Variants in RGL1 observed in about 807,000 individuals in gnomAD.
RGL1 encodes the protein ral guanine nucleotide dissociation stimulator like 1.
In RGL1, 24 loss-of-function variants were observed where a neutral mutation model predicts 95.2. That is an observed-to-expected ratio of 0.25 (90% CI 0.18 to 0.35). The LOEUF is 0.35. RGL1 is among the 10% of genes least tolerant of loss of function. The pLI is 1.00. For synonymous variants in RGL1, 329 were observed against 344.9 expected, an observed-to-expected ratio of 0.95 and a Z score of 0.51; for missense variants, 715 against 936.3, an observed-to-expected ratio of 0.76 and a Z score of 3.08.
At chr1:183,920,318 G>A (rs1669242838) in intron 16 of RGL1, among the ~76,000 whole-genome samples, 1 of 152,344 alleles carries the variant, frequency 6.6e-6, no homozygotes, top group South Asian at 2.1e-4. Context: ...TTACAGGCAT[G>A]AGCCACCTCA....
At chr1:183,764,099 A>G (rs1030625230) in intron 2 of RGL1, among the ~76,000 whole-genome samples, 1 of 152,228 alleles carries the variant, frequency 6.6e-6, no homozygotes, top group Admixed American at 6.5e-5. Context: ...AATTATTTGC[A>G]GGGGAGACCA....
At chr1:183,671,863 G>A (rs559094572) in intron 1 of RGL1, among the ~76,000 whole-genome samples, 8 of 152,124 alleles carry the variant, frequency 5.3e-5, no homozygotes, top group Admixed American at 2.0e-4. Flanking sequence ...ATTCATTGTC[G>A]GTCTAGTTGT....
intron 2 of RGL1, among the ~76,000 whole-genome samples, chr1:183,793,629 A>G (rs1380804745): frequency 6.6e-6 from 1 of 152,140 alleles, no homozygotes; most frequent in Admixed American, 6.5e-5. Context: ...CTGAACAGAC[A>G]TTTCTCAAAA....
At chr1:183,752,900 A>G (rs762328551) in intron 2 of RGL1, among the ~76,000 whole-genome samples, 12 of 152,122 alleles carry the variant, frequency 7.9e-5, no homozygotes, top group Admixed American at 7.2e-4. Context: ...TCTTTTCTCT[A>G]TAACTGTTTA....
At chr1:183,877,300 A>G (rs969529077) in intron 4 of RGL1, among the ~76,000 whole-genome samples, 3 of 152,224 alleles carry the variant, frequency 2.0e-5, no homozygotes, top group African/African-American at 7.2e-5. Flanking sequence ...GTTCTGGTTA[A>G]TATATAAGTT....
At chr1:183,864,575 C>T (rs1444087007) in intron 3 of RGL1, among the ~76,000 whole-genome samples, 5 of 152,198 alleles carry the variant, frequency 3.3e-5, no homozygotes, top group African/African-American at 1.2e-4. Context: ...ATCTTGTTTT[C>T]CATCCTTGCC....
At chr1:183,857,906 A>G (rs1003338643) in intron 3 of RGL1, among the ~76,000 whole-genome samples, 1 of 152,174 alleles carries the variant, frequency 6.6e-6, no homozygotes, top group South Asian at 2.1e-4. Context: ...TAAAGTAGAC[A>G]CTGAGGGGAT....
intron 2 of RGL1, among the ~76,000 whole-genome samples, chr1:183,771,931 G>T (rs541173364): frequency 3.3e-5 from 5 of 152,352 alleles, no homozygotes; most frequent in Admixed American, 6.5e-5. Context: ...GAGAGGACAC[G>T]GAGGGGAACA....
chr1:183,648,771 A>G (rs775423406), intron 1 of RGL1: 1 of 1,594,010 alleles, frequency 6.3e-7, no homozygotes, highest in Non-Finnish European at 8.5e-7. Flanking sequence ...CTCCTCATAT[A>G]TGGGCTCCAT....
chr1:183,840,069 A>C (rs1180222917), intron 2 of RGL1, among the ~76,000 whole-genome samples: 1 of 152,170 alleles, frequency 6.6e-6, no homozygotes, highest in African/African-American at 2.4e-5. Flanking sequence ...ATGGTAATAG[A>C]CTAAGGGGGA....
intron 17 of RGL1, among the ~76,000 whole-genome samples, chr1:183,923,949 C>T (rs1669464722): frequency 1.3e-5 from 2 of 152,182 alleles, no homozygotes; most frequent in Admixed American, 6.5e-5. Context: ...GTTGCCTCCC[C>T]GACCCCACTA....
At chr1:183,898,106 A>G (rs911353748) in intron 10 of RGL1, among the ~76,000 whole-genome samples, 7 of 152,220 alleles carry the variant, frequency 4.6e-5, no homozygotes, top group African/African-American at 1.7e-4. Context: ...GGAAGTAAGC[A>G]CTGGGTGGCA....
At chr1:183,841,786 A>G (rs1290983769) in intron 2 of RGL1, among the ~76,000 whole-genome samples, 12 of 152,172 alleles carry the variant, frequency 7.9e-5, no homozygotes, top group Admixed American at 7.9e-4. Context: ...AGATGAGCAG[A>G]GCTTATTTGT....
intron 1 of RGL1, among the ~76,000 whole-genome samples, chr1:183,701,017 G>C (rs1369045293): frequency 1.3e-5 from 2 of 152,142 alleles, no homozygotes; most frequent in African/African-American, 4.8e-5. Context: ...TTCGTTTTCT[G>C]TTCCTATGTT....
intron 2 of RGL1, among the ~76,000 whole-genome samples, chr1:183,820,757 TTCC>T (rs1236892512): frequency 6.6e-6 from 1 of 152,204 alleles, no homozygotes; most frequent in Non-Finnish European, 1.5e-5. Flanking sequence ...TCTCAGTAAT[TTCC>T]TATAGTGATC....
intron 1 of RGL1, among the ~76,000 whole-genome samples, chr1:183,650,021 C>T (rs1483756396): frequency 6.6e-6 from 1 of 152,062 alleles, no homozygotes; most frequent in East Asian, 1.9e-4. Flanking sequence ...CTATGTTGCC[C>T]ACACTGATCT....
chr1:183,823,940 T>C lies in RGL1; in HGVS notation c.138+17455T>C, dbSNP rs543983775. Among the ~76,000 whole-genome samples, 4 of 152,140 alleles carry C rather than the reference T, an allele frequency of 2.6e-5. No individual in the cohort carries two copies. The East Asian group carries it at 5.8e-4, about 22-fold the overall frequency. ...TGGCTAGGACTACAGGCCTATGCAA[T>C]CCCCCATGGCTAATTCTTTTAATTT... On this transcript the variant is annotated intron_variant, in intron 2 of 17. Transcript: ENST00000360851.
intron 2 of RGL1, among the ~76,000 whole-genome samples, chr1:183,788,215 T>C (rs1282937109): frequency 1.3e-5 from 2 of 152,180 alleles, no homozygotes; most frequent in Non-Finnish European, 1.5e-5. Context: ...AAGTCACATA[T>C]CTGCTGTCTG....
chr1:183,781,027 C>A (rs2102354716), intron 2 of RGL1, among the ~76,000 whole-genome samples: 1 of 152,248 alleles, frequency 6.6e-6, no homozygotes, highest in South Asian at 2.1e-4. Context: ...CTTTTCTAGC[C>A]TTTCCATTGG....
Sources: allele counts gnomAD v4.1 joint callset (sites outside exome capture counted in the v4.1 genomes callset), GRCh38; gene constraint gnomAD v4.1.1; transcripts MANE v1.5; gene names NCBI Gene and HGNC (gene_info 2026-07-23, HGNC 2026-07-21).